The following PRMT8 variants were observed in gnomAD, a reference collection of about 807,000 sequenced individuals.
The protein encoded by PRMT8 is protein arginine N-methyltransferase 8.
PRMT8 carries 7 observed loss-of-function variants against 47.1 expected under a neutral mutation model. The observed-to-expected ratio is 0.15, with a 90% confidence interval of 0.08 to 0.28. The LOEUF is 0.28. Ranked by LOEUF, PRMT8 falls within the 10% of genes least tolerant of loss-of-function variation. The pLI is 1.00. For synonymous variants in PRMT8, 188 were observed against 186.5 expected (o/e 1.01, Z -0.07); for missense variants, 237 against 505.4 (o/e 0.47, Z 5.09).
chr12:3,482,980 A>T (rs946187365), intron 1 of PRMT8, among the ~76,000 whole-genome samples: 2 of 152,186 alleles, frequency 1.3e-5, no homozygotes, highest in African/African-American at 4.8e-5. Flanking sequence ...TGTGGCTCTG[A>T]GGTCTGTGCC....
intron 1 of PRMT8, among the ~76,000 whole-genome samples, chr12:3,530,279 A>G (rs984224610): frequency 1.1e-4 from 16 of 152,220 alleles, no homozygotes; most frequent in African/African-American, 1.9e-4. Context: ...TATGAAGGGC[A>G]ACATTCACCC....
In PRMT8 at chr12:3,552,384, C is replaced by T. The variant is rs1866436953; in HGVS notation, c.418-1267C>T. 2.0e-5 allele frequency: 4 copies of T among 202,360 alleles called. No homozygotes were observed. In the South Asian group the frequency reaches 3.2e-4, roughly 16 times the overall value. 12.5% of individuals were successfully genotyped at this position (202,360 alleles called of 1,614,324 possible). On this transcript the variant is annotated intron_variant, in intron 3 of 9. Coordinates refer to ENST00000382622, the MANE Select transcript of PRMT8 (RefSeq NM_019854.5). This position sits in a 1 kb window ranked among gnomAD's most constrained non-coding sequence, Gnocchi z 4.5. ...TCGGCTGAGTTTACCCTCACACACTCACGTGCATTGGGGGCTTCGACTTCT... is the reference window on the plus strand; with the variant it reads ...TCGGCTGAGTTTACCCTCACACACTTACGTGCATTGGGGGCTTCGACTTCT...
chr12:3,401,952 A>C (rs1011614960), intron 1 of PRMT8, among the ~76,000 whole-genome samples: 1 of 152,228 alleles, frequency 6.6e-6, no homozygotes, highest in Non-Finnish European at 1.5e-5. Flanking sequence ...ACTACCATTG[A>C]CATTCTTCAC....
intron 1 of PRMT8, among the ~76,000 whole-genome samples, chr12:3,517,150 G>C (rs1391844738): frequency 6.6e-6 from 1 of 152,144 alleles, no homozygotes; most frequent in Admixed American, 6.5e-5. Context: ...GTGCACCAGG[G>C]GATCAGTTGC....
At position 3,580,242 on chromosome 12, in the gene PRMT8, C is replaced by T. The variant is rs922918855; in HGVS notation, c.829-2816C>T. On this transcript the variant is annotated intron_variant, in intron 7 of 9. Coordinates refer to ENST00000382622, the MANE Select transcript of PRMT8 (RefSeq NM_019854.5). The surrounding 1 kb of genome is among the most constrained non-coding windows in gnomAD (Gnocchi z 4.6). ...GTCTCAGGGATCTATTGAAAGCTGTCAGCTACAAGAGTTGATAGCTGACAT... is the reference window on the plus strand; with the variant it reads ...GTCTCAGGGATCTATTGAAAGCTGTTAGCTACAAGAGTTGATAGCTGACAT... Among the ~76,000 whole-genome samples the T allele has an allele frequency of 9.9e-5, 15 of 152,094 alleles. No homozygotes were observed. Among genetic ancestry groups the T allele is most frequent in the Non-Finnish European group, 2.1e-4 (14 of 68,038 alleles).
intron 1 of PRMT8, among the ~76,000 whole-genome samples, chr12:3,450,860 A>C (rs1051265849): frequency 1.3e-5 from 2 of 152,338 alleles, no homozygotes; most frequent in Non-Finnish European, 2.9e-5. Flanking sequence ...TTGCTTCTGC[A>C]AGCACTCAGC....
chr12:3,529,022 C>A (rs185122364), intron 1 of PRMT8, among the ~76,000 whole-genome samples: 208 of 152,286 alleles, frequency 1.4e-3, no homozygotes, highest in Admixed American at 0.012. Flanking sequence ...AGTTCTTTTC[C>A]GAGGCTGTGG....
intron 1 of PRMT8, among the ~76,000 whole-genome samples, chr12:3,398,814 C>T (rs755308522): frequency 6.6e-6 from 1 of 152,186 alleles, no homozygotes; most frequent in Admixed American, 6.5e-5. Flanking sequence ...GGAGGCTCAC[C>T]AGGCAGGGGG....
At chr12:3,474,907 A>G (rs145531315) in intron 1 of PRMT8, among the ~76,000 whole-genome samples, 2 of 152,262 alleles carry the variant, frequency 1.3e-5, no homozygotes, top group Admixed American at 6.5e-5. Context: ...ACAAACAAAC[A>G]TGGAATTCAA....
intron 1 of PRMT8, among the ~76,000 whole-genome samples, chr12:3,467,760 C>G (rs1303961837): frequency 1.3e-5 from 2 of 152,236 alleles, no homozygotes; most frequent in Non-Finnish European, 2.9e-5. Context: ...CAGGGCAAAT[C>G]TGATCAGATC....
intron 1 of PRMT8, among the ~76,000 whole-genome samples, chr12:3,518,215 T>C (rs1865826185): frequency 6.6e-6 from 1 of 151,930 alleles, no homozygotes; most frequent in Non-Finnish European, 1.5e-5. Flanking sequence ...AACCCAATGC[T>C]CCCTTAAATC....
At chr12:3,505,728 C>G (rs1356110163) in intron 1 of PRMT8, among the ~76,000 whole-genome samples, 1 of 152,182 alleles carries the variant, frequency 6.6e-6, no homozygotes, top group Non-Finnish European at 1.5e-5. Context: ...GTTGACATGG[C>G]CTCCTTCCTC....
intron 1 of PRMT8, among the ~76,000 whole-genome samples, chr12:3,495,567 C>T (rs1329763460): frequency 6.6e-6 from 1 of 152,164 alleles, no homozygotes; most frequent in Non-Finnish European, 1.5e-5. Flanking sequence ...AGGGGCATTA[C>T]CCTTTCTTAT....
At chr12:3,462,058 G>A (rs186519061) in intron 1 of PRMT8, among the ~76,000 whole-genome samples, 6 of 151,982 alleles carry the variant, frequency 3.9e-5, no homozygotes, top group African/African-American at 1.5e-4. Context: ...TCCATTCTCC[G>A]ATAGGCCCCA....
In PRMT8 at chr12:3,562,118, G is replaced by A. The variant is rs900277861; in HGVS notation, c.482-6588G>A. Reference sequence around the variant, plus strand: ...CACTGTATAAAACACAACAGCATCCGGTGGGCACTAAGCAACCAATAAACA... The same window carrying A: ...CACTGTATAAAACACAACAGCATCCAGTGGGCACTAAGCAACCAATAAACA... On this transcript the variant is annotated intron_variant, in intron 4 of 9. Transcript: ENST00000382622. 3.9e-5 allele frequency among the ~76,000 whole-genome samples: 6 copies of A among 152,122 alleles called. No homozygotes were observed. The East Asian group carries it at 9.6e-4, about 24-fold the overall frequency.
intron 4 of PRMT8, among the ~76,000 whole-genome samples, chr12:3,559,078 G>T (rs143711260): frequency 6.6e-6 from 1 of 151,868 alleles, no homozygotes; most frequent in African/African-American, 2.4e-5. Flanking sequence ...GACAGCCAGC[G>T]TTCATCCATC....
chr12:3,428,548 A>C (rs1864632420), intron 1 of PRMT8, among the ~76,000 whole-genome samples: 1 of 152,194 alleles, frequency 6.6e-6, no homozygotes. Context: ...ACTGACAACA[A>C]GGTGGTATTG....
chr12:3,560,339 C>T (rs553069514), intron 4 of PRMT8, among the ~76,000 whole-genome samples: 2 of 152,366 alleles, frequency 1.3e-5, no homozygotes, highest in Non-Finnish European at 2.9e-5. Flanking sequence ...CTCTCTCCCT[C>T]TCCACCTCCG....
chr12:3,531,425 C>T (rs550935089), intron 1 of PRMT8, among the ~76,000 whole-genome samples: 5 of 152,244 alleles, frequency 3.3e-5, no homozygotes, highest in East Asian at 3.9e-4. Flanking sequence ...ATATAAGAAG[C>T]GAATTTAATA....
Sources: gnomAD v4.1 joint callset for allele counts (sites outside exome capture counted in the v4.1 genomes callset) on GRCh38, gnomAD v4.1.1 for gene constraint, Gnocchi (gnomAD v3.1) non-coding constraint, MANE v1.5 for transcripts, NCBI Gene and HGNC (gene_info 2026-07-23, HGNC 2026-07-21) for gene names.